Variants in PTPRN2 observed in about 807,000 individuals in gnomAD.
PTPRN2 encodes protein tyrosine phosphatase receptor type N2, also known as receptor-type tyrosine-protein phosphatase N2.
PTPRN2 carries 74 observed loss-of-function variants against 118.8 expected under a neutral mutation model. That is an observed-to-expected ratio of 0.62 (90% CI 0.52 to 0.76). The LOEUF is 0.76. Ranked by LOEUF, PTPRN2 falls within the 30% of genes least tolerant of loss-of-function variation. The pLI is 0.00. For missense variants in PTPRN2, 1,481 were observed against 1,394.4 expected (o/e 1.06, Z -0.99); for synonymous variants, 641 against 608.0 (o/e 1.05, Z -0.80).
At chr7:158,573,637 T>C (rs912172201) in intron 1 of PTPRN2, among the ~76,000 whole-genome samples, 1 of 152,142 alleles carries the variant, frequency 6.6e-6, no homozygotes, top group Admixed American at 6.5e-5. Context: ...TATGTGGAAG[T>C]TACTTATGAA....
At position 157,619,415 on chromosome 7, in the gene PTPRN2, A is replaced by C; in HGVS notation, c.2344+1947T>G. 6.6e-6 allele frequency among the ~76,000 whole-genome samples: 1 copy of C among 150,786 alleles called. No homozygotes were observed. The highest frequency in any genetic ancestry group is 2.4e-5 in the African/African-American group (1 of 40,922). ...TCACTTGTCCTACCACACCGGCTTC[A>C]CTCCCCGCCCTCTCCTCCCCCAGGC... is the stretch of plus-strand genomic sequence containing the variant. On this transcript the variant is annotated intron_variant, in intron 15 of 22. Coordinates refer to ENST00000389418, the MANE Select transcript of PTPRN2 (RefSeq NM_002847.5). This position sits in a 1 kb window ranked among gnomAD's most constrained non-coding sequence, Gnocchi z 5.3.
chr7:158,107,380 C>T (rs1815770056), intron 10 of PTPRN2, among the ~76,000 whole-genome samples: 1 of 152,180 alleles, frequency 6.6e-6, no homozygotes, highest in South Asian at 2.1e-4. Flanking sequence ...CCATACATTT[C>T]CAGTACCCTC....
intron 21 of PTPRN2, among the ~76,000 whole-genome samples, chr7:157,556,476 TCATA>T (rs962166014): frequency 3.9e-5 from 5 of 129,472 alleles, no homozygotes; most frequent in African/African-American, 1.5e-4. Context: ...CACACTCATG[TCATA>T]CATACACAGA....
At position 157,801,790 on chromosome 7, in the gene PTPRN2, G is replaced by GCCGCACAGAAAGTGCTTGGT. The variant is rs987171491; in HGVS notation, c.1788+96863_1788+96882dup. 8.5e-5 allele frequency among the ~76,000 whole-genome samples: 13 copies of GCCGCACAGAAAGTGCTTGGT among 152,204 alleles called. No homozygotes were observed. The highest frequency in any genetic ancestry group is 3.1e-4 in the African/African-American group (13 of 41,452). On this transcript the variant is annotated intron_variant, in intron 12 of 22. Coordinates refer to ENST00000389418, the MANE Select transcript of PTPRN2 (RefSeq NM_002847.5). This position sits in a 1 kb window ranked among gnomAD's most constrained non-coding sequence, Gnocchi z 4.2. The stretch of plus-strand genomic sequence containing the variant: ...GCCCGCTTAGTGGAAGAACAGAACG[G>GCCGCACAGAAAGTGCTTGGT]CCGCACAGAAAGTGCTTGGTCCTTG...
At chr7:157,959,772 G>T (rs1435372702) in intron 11 of PTPRN2, among the ~76,000 whole-genome samples, 1 of 152,188 alleles carries the variant, frequency 6.6e-6, no homozygotes, top group East Asian at 1.9e-4. Flanking sequence ...GAAATAGCTT[G>T]AGAATTCCTC....
intron 3 of PTPRN2, among the ~76,000 whole-genome samples, chr7:158,300,263 G>A (rs963931997): frequency 6.6e-6 from 1 of 152,158 alleles, no homozygotes; most frequent in African/African-American, 2.4e-5. Context: ...TGACAGTCAG[G>A]CTCTACCCCT....
At chr7:157,773,147 A>C (rs537177803) in intron 12 of PTPRN2, among the ~76,000 whole-genome samples, 1 of 152,206 alleles carries the variant, frequency 6.6e-6, no homozygotes, top group African/African-American at 2.4e-5. Context: ...CATCGCGAGG[A>C]CCTCGTTCTA....
intron 1 of PTPRN2, among the ~76,000 whole-genome samples, chr7:158,495,230 C>G (rs932129531): frequency 6.6e-6 from 1 of 152,242 alleles, no homozygotes; most frequent in Non-Finnish European, 1.5e-5. Context: ...GGGCTTACGA[C>G]AGCCTGAGGC....
chr7:157,588,004 C>T (rs887982910), intron 17 of PTPRN2, among the ~76,000 whole-genome samples: 250 of 146,216 alleles, frequency 1.7e-3, no homozygotes, highest in African/African-American at 6.1e-3. Flanking sequence ...CGTGCCTGGG[C>T]TCCCGCGGTG....
intron 2 of PTPRN2, among the ~76,000 whole-genome samples, chr7:158,466,321 C>A (rs1008661547): frequency 1.3e-5 from 2 of 152,142 alleles, no homozygotes; most frequent in Non-Finnish European, 2.9e-5. Context: ...CCTCGCCACT[C>A]CCACCCCCCA....
At chr7:158,134,106 G>T in intron 8 of PTPRN2, 47 bp from the exon 9 acceptor site, 2 of 1,574,518 alleles carry the variant, frequency 1.3e-6, no homozygotes, top group South Asian at 1.2e-5. Context: ...AAGGAATGCT[G>T]ATGTGACACA....
chr7:157,662,029 C>T (rs756711718), intron 13 of PTPRN2, among the ~76,000 whole-genome samples: 1 of 152,208 alleles, frequency 6.6e-6, no homozygotes, highest in Non-Finnish European at 1.5e-5. Flanking sequence ...AACTTTGGTT[C>T]TTTTCCTTGA....
At chr7:158,407,161 CCTGGGTCCTGCGTCCT>C (rs1563254244) in intron 2 of PTPRN2, among the ~76,000 whole-genome samples, 6 of 122,680 alleles carry the variant, frequency 4.9e-5, no homozygotes, top group African/African-American at 1.7e-4. Context: ...GGTCCTGGGT[CCTGGGTCCTGCGTCCT>C]GCGTCCTGGG....
intron 1 of PTPRN2, among the ~76,000 whole-genome samples, chr7:158,564,503 C>T (rs1420255550): frequency 2.0e-5 from 3 of 152,266 alleles, no homozygotes; most frequent in Non-Finnish European, 4.4e-5. Context: ...GGCTGCCATC[C>T]CAGTGCTCCT....
chr7:157,834,761 G>A (rs1440402224), intron 12 of PTPRN2, among the ~76,000 whole-genome samples: 3 of 152,254 alleles, frequency 2.0e-5, no homozygotes, highest in South Asian at 2.1e-4. Flanking sequence ...GACCCCAGGC[G>A]GGTGTGGGGA....
At chr7:158,548,891 G>C (rs73729695) in intron 1 of PTPRN2, among the ~76,000 whole-genome samples, 134 of 152,336 alleles carry the variant, frequency 8.8e-4, no homozygotes, top group African/African-American at 3.1e-3. Flanking sequence ...ACCGCAGTCC[G>C]TGCCAACAGC....
chr7:158,246,008 C>A (rs991051020), intron 3 of PTPRN2, among the ~76,000 whole-genome samples: 1 of 152,026 alleles, frequency 6.6e-6, no homozygotes, highest in Non-Finnish European at 1.5e-5. Flanking sequence ...GCGAGACCGT[C>A]AGGGTGCCCT....
At chr7:158,278,851 G>T (rs1005773597) in intron 3 of PTPRN2, among the ~76,000 whole-genome samples, 1 of 152,002 alleles carries the variant, frequency 6.6e-6, no homozygotes, top group African/African-American at 2.4e-5. Flanking sequence ...CAGTGGGTTC[G>T]TGGTCTCTAT....
intron 12 of PTPRN2, among the ~76,000 whole-genome samples, chr7:157,788,149 G>A (rs1804192514): frequency 6.6e-6 from 1 of 152,190 alleles, no homozygotes; most frequent in South Asian, 2.1e-4. Flanking sequence ...GCTGAGGCGG[G>A]CGGATCACGA....
Sources: allele counts gnomAD v4.1 joint callset (sites outside exome capture counted in the v4.1 genomes callset), GRCh38; gene constraint gnomAD v4.1.1; non-coding constraint Gnocchi (gnomAD v3.1); transcripts MANE v1.5; gene names NCBI Gene and HGNC (gene_info 2026-07-23, HGNC 2026-07-21).